SESTD1: variants seen among roughly 807,000 people sequenced by gnomAD.
SESTD1 encodes SEC14 domain and spectrin repeat-containing protein 1.
In SESTD1, 43 loss-of-function variants were observed where a neutral mutation model predicts 101.7. That is an observed-to-expected ratio of 0.42 (90% CI 0.33 to 0.55). The LOEUF is 0.55. Among genes scored for constraint, SESTD1 ranks in the 20% least tolerant of loss-of-function variants. SESTD1 has a pLI of 0.07. For missense variants in SESTD1, 647 were observed against 815.1 expected (o/e 0.79, Z 2.51); for synonymous variants, 283 against 286.8 (o/e 0.99, Z 0.13).
intron 1 of SESTD1, among the ~76,000 whole-genome samples, chr2:179,217,699 T>TC (rs2046745302): frequency 1.3e-5 from 2 of 152,196 alleles, no homozygotes; most frequent in African/African-American, 4.8e-5. Flanking sequence ...ACTGCGGCAC[T>TC]ATTCACAATA....
chr2:179,141,837 T>C (rs1442700742), intron 9 of SESTD1, among the ~76,000 whole-genome samples: 1 of 152,174 alleles, frequency 6.6e-6, no homozygotes, highest in Non-Finnish European at 1.5e-5. Context: ...GGCTAAAACT[T>C]ACCTGAATTT....
rs1162780605 is a variant in SESTD1, at chr2:179,109,883, A to AGGTAGCT, written c.*9_*15dup. 2 of 1,612,820 alleles carry AGGTAGCT rather than the reference A, an allele frequency of 1.2e-6. No individual in the cohort carries two copies. The highest frequency in any genetic ancestry group is 2.7e-5 in the African/African-American group (2 of 74,848). On this transcript the variant is annotated 3_prime_UTR_variant, in exon 18 of 18. Transcript: ENST00000428443. ...GCGGGATTATGAACTGCAAATCTGT[A>AGGTAGCT]GGTAGCTGGTAGCTATTAGCTCTCT...
intron 5 of SESTD1, among the ~76,000 whole-genome samples, chr2:179,167,198 T>C (rs1331179529): frequency 1.3e-5 from 2 of 152,114 alleles, no homozygotes; most frequent in East Asian, 3.8e-4. Context: ...ATAGAAACTC[T>C]AAAGAAAAGT....
At chr2:179,168,014 T>C (rs1173261741) in intron 5 of SESTD1, among the ~76,000 whole-genome samples, 6 of 152,286 alleles carry the variant, frequency 3.9e-5, no homozygotes, top group Admixed American at 2.0e-4. Flanking sequence ...TCCACTGCCT[T>C]GGCCTCCCAA....
intron 7 of SESTD1, among the ~76,000 whole-genome samples, chr2:179,147,371 T>TG (rs907544987): frequency 3.3e-5 from 5 of 151,678 alleles, no homozygotes; most frequent in African/African-American, 1.2e-4. Flanking sequence ...TTTTGTTTTT[T>TG]TTTTTTTTGA....
chr2:179,166,219 T>C (rs1297653211), intron 5 of SESTD1, among the ~76,000 whole-genome samples: 1 of 152,116 alleles, frequency 6.6e-6, no homozygotes, highest in East Asian at 1.9e-4. Context: ...GAAAGATCTC[T>C]GCAGGAGTCA....
In SESTD1 at chr2:179,115,161, A is replaced by T; in HGVS notation, c.1743T>A (p.Pro581=). Residue 581 remains proline (P), a synonymous_variant, in exon 16 of 18, where the codon CCT becomes CCA. Transcript: ENST00000428443. ...ATTGTTTCCATACTCTGTTCAGTCG[A>T]GGAAGTGTATCCCCAGATGACCGAG... ...CTSRSSGDTL[P]RLNRVWKQFT... The T allele has an allele frequency of 6.2e-7, 1 of 1,614,086 alleles. No individual in the cohort carries two copies. The highest frequency in any genetic ancestry group is 8.5e-7 in the Non-Finnish European group (1 of 1,179,990).
intron 5 of SESTD1, among the ~76,000 whole-genome samples, 179 bp downstream of exon 5, chr2:179,171,941 A>G (rs1308136204): frequency 6.6e-6 from 1 of 152,216 alleles, no homozygotes; most frequent in East Asian, 1.9e-4. Flanking sequence ...TCTTTAACAA[A>G]ATATCATACT....
At chr2:179,220,464 A>AC (rs990181470) in intron 1 of SESTD1, among the ~76,000 whole-genome samples, 2 of 151,752 alleles carry the variant, frequency 1.3e-5, no homozygotes, top group African/African-American at 4.8e-5. Flanking sequence ...TATTCCTGGA[A>AC]CCCCCAGCTT....
intron 7 of SESTD1, among the ~76,000 whole-genome samples, 173 bp downstream of exon 7, chr2:179,149,124 T>TAC (rs2045460006): frequency 9.5e-6 from 1 of 105,636 alleles, no homozygotes; most frequent in Non-Finnish European, 2.1e-5. Context: ...TTCAAACCAA[T>TAC]ACATTTTACA....
chr2:179,197,465 A>G (rs1033508247), intron 1 of SESTD1, among the ~76,000 whole-genome samples: 1 of 152,150 alleles, frequency 6.6e-6, no homozygotes, highest in Non-Finnish European at 1.5e-5. Flanking sequence ...AGAACACCAC[A>G]AAGATACTCT....
chr2:179,141,675 GA>G (rs1055475046), intron 9 of SESTD1, among the ~76,000 whole-genome samples: 1 of 152,074 alleles, frequency 6.6e-6, no homozygotes, highest in African/African-American at 2.4e-5. Context: ...GCTTACTGAA[GA>G]GGAGACTATG....
At chr2:179,132,705 AAG>A (rs1238639528) in intron 9 of SESTD1, among the ~76,000 whole-genome samples, 2 of 152,242 alleles carry the variant, frequency 1.3e-5, no homozygotes, top group African/African-American at 2.4e-5. Flanking sequence ...GCTTCTATAA[AAG>A]AGGATTAAAA....
chr2:179,224,038 C>T (rs1276105658), intron 1 of SESTD1, among the ~76,000 whole-genome samples: 2 of 151,908 alleles, frequency 1.3e-5, no homozygotes, highest in Non-Finnish European at 2.9e-5. Flanking sequence ...GATAAATGTG[C>T]CTATGGATTA....
chr2:179,105,113 A>C lies in SESTD1; in HGVS notation c.*4786T>G, dbSNP rs969134746. 1.3e-5 allele frequency: 2 copies of C among 151,060 alleles called. No individual in the cohort carries two copies. The highest frequency in any genetic ancestry group is 4.9e-5 in the African/African-American group (2 of 41,102). 9.4% of individuals were successfully genotyped at this position (151,060 alleles called of 1,614,324 possible). On this transcript the variant is annotated 3_prime_UTR_variant, in exon 18 of 18. Transcript: ENST00000428443. The stretch of plus-strand genomic sequence containing the variant: ...CTGTTCATCATCACTGCCTGAGTTT[A>C]CCAAGAGACTGCTCCTCTCTAAGCA...
At chr2:179,255,433 G>T (rs978914007) in intron 1 of SESTD1, among the ~76,000 whole-genome samples, 1 of 152,196 alleles carries the variant, frequency 6.6e-6, no homozygotes, top group African/African-American at 2.4e-5. Flanking sequence ...TATGGAGAAA[G>T]GTCCAGTGGT....
intron 1 of SESTD1, among the ~76,000 whole-genome samples, chr2:179,199,103 TA>T (rs2046456178): frequency 6.6e-6 from 1 of 151,744 alleles, no homozygotes; most frequent in Non-Finnish European, 1.5e-5. Context: ...ATAGACGCAA[TA>T]AAAAATGATA....
At chr2:179,200,214 G>A (rs1038309473) in intron 1 of SESTD1, among the ~76,000 whole-genome samples, 3 of 151,974 alleles carry the variant, frequency 2.0e-5, no homozygotes, top group East Asian at 3.8e-4. Flanking sequence ...CAACTTACAA[G>A]GGATGTGAAG....
At chr2:179,232,302 T>C (rs7584067) in intron 1 of SESTD1, among the ~76,000 whole-genome samples, 150,438 of 152,110 alleles carry the variant, frequency 0.99, 74,426 homozygotes, top group South Asian at 1. Flanking sequence ...AATCTGTAGC[T>C]TTGAACATTT....
Sources: allele counts gnomAD v4.1 joint callset (sites outside exome capture counted in the v4.1 genomes callset), GRCh38; gene constraint gnomAD v4.1.1; transcripts MANE v1.5; gene names NCBI Gene and HGNC (gene_info 2026-07-23, HGNC 2026-07-21).